Variants in NAA15 observed in about 807,000 individuals in gnomAD.
NAA15 encodes the protein N-alpha-acetyltransferase 15, NatA auxiliary subunit.
Under a neutral mutation model 114.0 loss-of-function variants are expected in NAA15, and 34 were observed. That is an observed-to-expected ratio of 0.30 (90% CI 0.23 to 0.40). The LOEUF (loss-of-function observed/expected upper bound fraction) is 0.40, where lower values mean the gene tolerates loss of function less well. Among genes scored for constraint, NAA15 ranks in the 10% least tolerant of loss-of-function variants. The probability of loss-of-function intolerance (pLI) is 1.00; values close to 1 mark genes in which losing one functional copy is unlikely to be tolerated. For missense variants in NAA15, 658 were observed against 1,004.5 expected (o/e 0.66, Z 4.66); for synonymous variants, 340 against 338.0 (o/e 1.01, Z -0.06).
At position 139,379,860 on chromosome 4, in the gene NAA15, A is replaced by G. The variant is rs183876114; in HGVS notation, c.2155+1006A>G. ...GGAGTTCGAGACCAGCCTGGCTAAC[A>G]TAGCGAACCCCCGTCTCTACCAAAA... On this transcript the variant is annotated intron_variant, in intron 17 of 19. Transcript: ENST00000296543. Among the ~76,000 whole-genome samples the G allele has an allele frequency of 6.6e-5, 10 of 152,248 alleles. No individual in the cohort carries two copies. In the East Asian group the frequency reaches 1.7e-3, roughly 26 times the overall value.
chr4:139,370,193 T>C lies in NAA15; in HGVS notation c.1754-18T>C, dbSNP rs773231563. 5 of 1,481,718 alleles carry C rather than the reference T, an allele frequency of 3.4e-6. No homozygotes were observed. The highest frequency in any genetic ancestry group is 4.5e-6 in the Non-Finnish European group (5 of 1,114,988). The allele number at this position is 1,481,718 out of a possible 1,614,324, so 91.8% of individuals were successfully genotyped here. On this transcript the variant is annotated intron_variant, in intron 14 of 19. Transcript: ENST00000296543. ...TTAACATGCTTGTTAATTTTATTAA[T>C]TAACTTATTGCCTGCAGCAAACATG...
At chr4:139,307,481 A>G (rs957212802) in intron 1 of NAA15, among the ~76,000 whole-genome samples, 1 of 152,126 alleles carries the variant, frequency 6.6e-6, no homozygotes, top group Non-Finnish European at 1.5e-5. Context: ...TGGCCAGGCT[A>G]GTCTTGAACT....
intron 14 of NAA15, 78 bp from the exon 15 acceptor site, chr4:139,370,133 G>A: frequency 8.6e-7 from 1 of 1,168,954 alleles, no homozygotes; most frequent in Non-Finnish European, 1.1e-6. Context: ...TGGAAGTTTG[G>A]TAGGATCAAA....
In NAA15 at chr4:139,341,593, C is replaced by CAAAAAAAA. The variant is rs751688160; in HGVS notation, c.402+543_402+550dup. Among the ~76,000 whole-genome samples, 28 of 14,422 alleles carry CAAAAAAAA rather than the reference C, an allele frequency of 1.9e-3. 3 individuals are homozygous for CAAAAAAAA. The highest frequency in any genetic ancestry group is 2.7e-3 in the Non-Finnish European group (20 of 7,426). The allele number at this position is 14,422 out of a possible 152,430, so 9.5% of individuals were successfully genotyped here. ...TGGGTAACAGAGCGAAACTCTGTCTCAAAAAAAAAAAAAAAAAAAAAAAAA... is the reference window on the plus strand; with the variant it reads ...TGGGTAACAGAGCGAAACTCTGTCTCAAAAAAAAAAAAAAAAAAAAAAAAAAAAAAAAA... On this transcript the variant is annotated intron_variant, in intron 4 of 19. Transcript: ENST00000296543.
At chr4:139,321,753 G>T (rs928841346) in intron 1 of NAA15, among the ~76,000 whole-genome samples, 1 of 151,742 alleles carries the variant, frequency 6.6e-6, no homozygotes, top group Admixed American at 6.6e-5. Flanking sequence ...AAAGTGCTGG[G>T]ATTACAGGTG....
chr4:139,360,013 G>C (rs1379437294), intron 12 of NAA15, 118 bp downstream of exon 12: 1 of 892,824 alleles, frequency 1.1e-6, no homozygotes, highest in African/African-American at 1.8e-5. Flanking sequence ...TAATAGCCAA[G>C]ATTTTAATTA....
chr4:139,370,710 C>T (rs1247935792), intron 15 of NAA15, among the ~76,000 whole-genome samples: 2 of 152,132 alleles, frequency 1.3e-5, no homozygotes, highest in Non-Finnish European at 2.9e-5. Flanking sequence ...TGCCCTTGGA[C>T]ACTTTGTCTA....
chr4:139,339,353 A>G (rs1035525856), intron 3 of NAA15, among the ~76,000 whole-genome samples: 4 of 152,056 alleles, frequency 2.6e-5, no homozygotes, highest in African/African-American at 7.2e-5. Context: ...AATTAACTGC[A>G]TGTGGTGGTG....
chr4:139,344,205 A>C lies in NAA15; in HGVS notation c.557A>C (p.Asp186Ala). The change falls in exon 6 of 20, where the codon GAT becomes GCT. Residue 186 changes from aspartate to alanine, a missense_variant. By Grantham distance (126) the Asp-to-Ala change is moderately radical. Coordinates refer to ENST00000296543, the MANE Select transcript of NAA15 (RefSeq NM_057175.5). ...ATACAGACATCCCCTGACAAGGTGG[A>C]TTATGAATATAGTGAACTACTCTTA... is the stretch of plus-strand genomic sequence containing the variant. Reference protein sequence around the residue: ...KTQQTSPDKVDYEYSELLLYQ... With the variant: ...KTQQTSPDKVAYEYSELLLYQ... 1 of 1,610,500 alleles carries C rather than the reference A, an allele frequency of 6.2e-7. No individual in the cohort carries two copies. Among genetic ancestry groups the C allele is most frequent in the South Asian group, 1.1e-5 (1 of 90,130 alleles).
At chr4:139,323,420 C>T (rs1188346352) in intron 1 of NAA15, among the ~76,000 whole-genome samples, 1 of 152,180 alleles carries the variant, frequency 6.6e-6, no homozygotes, top group Non-Finnish European at 1.5e-5. Context: ...TTTTGAACTC[C>T]TGACCTCAAG....
intron 16 of NAA15, among the ~76,000 whole-genome samples, chr4:139,378,541 A>C (rs1475463818): frequency 6.6e-6 from 1 of 152,172 alleles, no homozygotes; most frequent in African/African-American, 2.4e-5. Flanking sequence ...TGCCACCTAA[A>C]TTTTCTACAT....
chr4:139,310,478 G>GACATAAA (rs1169556716), intron 1 of NAA15, among the ~76,000 whole-genome samples: 1 of 151,306 alleles, frequency 6.6e-6, no homozygotes, highest in Non-Finnish European at 1.5e-5. Flanking sequence ...AACATTTTTG[G>GACATAAA]ACATAAAAAG....
At position 139,357,373 on chromosome 4, in the gene NAA15, C is replaced by T. The variant is rs775366427; in HGVS notation, c.1088-13C>T. On this transcript the variant is annotated splice_polypyrimidine_tract_variant and intron_variant, in intron 10 of 19. Coordinates refer to ENST00000296543, the MANE Select transcript of NAA15 (RefSeq NM_057175.5). ...AATGCCTCATCTTGGTTTCTTCTCC[C>T]TCTTCTCCTAAGATGATGGAAAGGA... is the stretch of plus-strand genomic sequence containing the variant. 3.1e-6 allele frequency: 5 copies of T among 1,612,994 alleles called. No individual in the cohort carries two copies. In the Admixed American group the frequency reaches 8.4e-5, roughly 27 times the overall value.
intron 14 of NAA15, among the ~76,000 whole-genome samples, chr4:139,365,496 T>A (rs1203345593): frequency 6.6e-6 from 1 of 152,124 alleles, no homozygotes; most frequent in Non-Finnish European, 1.5e-5. Flanking sequence ...TAAAATAATA[T>A]TATACTCTAA....
chr4:139,332,944 C>T (rs1747073028), intron 1 of NAA15, among the ~76,000 whole-genome samples: 1 of 152,040 alleles, frequency 6.6e-6, no homozygotes, highest in East Asian at 1.9e-4. Context: ...CCAGGATCTC[C>T]CTTGGGTACC....
At chr4:139,369,985 A>G (rs1011374805) in intron 14 of NAA15, among the ~76,000 whole-genome samples, 1 of 151,948 alleles carries the variant, frequency 6.6e-6, no homozygotes, top group Non-Finnish European at 1.5e-5. Context: ...TTGTATTTTT[A>G]GTAGAGACAG....
intron 1 of NAA15, among the ~76,000 whole-genome samples, chr4:139,316,362 G>A (rs1324014774): frequency 6.6e-6 from 1 of 151,676 alleles, no homozygotes; most frequent in Non-Finnish European, 1.5e-5. Flanking sequence ...TTATGTGAAA[G>A]CATTCCTATT....
At position 139,342,930 on chromosome 4, in the gene NAA15, G is replaced by A. The variant is rs1295201444; in HGVS notation, c.507G>A (p.Lys169=). 3.1e-6 allele frequency: 5 copies of A among 1,613,344 alleles called. No homozygotes were observed. Among genetic ancestry groups the A allele is most frequent in the Non-Finnish European group, 4.2e-6 (5 of 1,179,434 alleles). The change falls in exon 5 of 20, where the codon AAG becomes AAA. Residue 169 remains lysine, a synonymous_variant. Transcript: ENST00000296543. ...HLLEDYEMAA[K]ILEEFRKTQQ... Reference sequence around the variant, plus strand: ...TAGAAGATTATGAAATGGCAGCAAAGATTTTAGAAGAATTTAGGAAAACAC... The same window carrying A: ...TAGAAGATTATGAAATGGCAGCAAAAATTTTAGAAGAATTTAGGAAAACAC...
At chr4:139,345,017 A>G (rs1747536205) in intron 6 of NAA15, among the ~76,000 whole-genome samples, 1 of 152,234 alleles carries the variant, frequency 6.6e-6, no homozygotes, top group African/African-American at 2.4e-5. Flanking sequence ...TGATTTTTTA[A>G]AAAATTACCT....
Sources: gnomAD v4.1 joint callset for allele counts (sites outside exome capture counted in the v4.1 genomes callset) on GRCh38, gnomAD v4.1.1 for gene constraint, MANE v1.5 for transcripts, NCBI Gene and HGNC (gene_info 2026-07-23, HGNC 2026-07-21) for gene names.